The following SIDT2 variants were observed in gnomAD, a reference collection of about 807,000 sequenced individuals.
The protein encoded by SIDT2 is SID1 transmembrane family, member 2.
SIDT2 carries 68 observed loss-of-function variants against 114.4 expected under a neutral mutation model. The observed-to-expected ratio is 0.59, with a 90% CI of 0.49 to 0.73. SIDT2 has a LOEUF of 0.73. SIDT2 is among the 30% of genes least tolerant of loss of function. The pLI is 0.00. For synonymous variants in SIDT2, 470 were observed against 438.4 expected, an observed-to-expected ratio of 1.07 and a Z score of -0.90; for missense variants, 918 against 1,097.1, an observed-to-expected ratio of 0.84 and a Z score of 2.31.
intron 23 of SIDT2, 50 bp downstream of exon 23, chr11:117,193,308 G>A (rs2030770609): frequency 6.8e-7 from 1 of 1,472,840 alleles, no homozygotes; most frequent in Non-Finnish European, 9.4e-7. Flanking sequence ...GCTATCTGGG[G>A]AGAGAGATGG....
At chr11:117,191,801 G>C (rs1048423773) in intron 18 of SIDT2, 77 bp from the exon 19 acceptor site, 1 of 1,566,776 alleles carries the variant, frequency 6.4e-7, no homozygotes, top group African/African-American at 1.4e-5. Context: ...TCTTCCTCTG[G>C]GATTGTTGGG....
Position 117,190,401 on chromosome 11 carries a change from C to G in SIDT2, c.1617+112C>G, listed in dbSNP as rs2030655055. 1 of 1,468,434 alleles carries G rather than the reference C, an allele frequency of 6.8e-7. No homozygotes were observed. The highest frequency in any genetic ancestry group is 9.0e-7 in the Non-Finnish European group (1 of 1,106,706). 91.0% of individuals were successfully genotyped at this position (1,468,434 alleles called of 1,614,324 possible). A position where few individuals can be genotyped will look rare whatever the true frequency, so the allele number is the denominator to read the frequency against. On this transcript the variant is annotated intron_variant, in intron 17 of 25. Transcript: ENST00000324225. This position sits in a 1 kb window ranked among gnomAD's most constrained non-coding sequence, Gnocchi z 4.1. ...TGGCCCTGCCTTCCCCAGCTCTCCC[C>G]TCCCCAGTTCTGTCTGGCCCACCCT...
In SIDT2 at chr11:117,188,955, C is replaced by A. The variant is rs2030602110; in HGVS notation, c.1278+129C>A. 1 of 1,079,340 alleles carries A rather than the reference C, an allele frequency of 9.3e-7. No individual in the cohort carries two copies. Among genetic ancestry groups the A allele is most frequent in the Admixed American group, 1.7e-5 (1 of 57,508 alleles). The allele number at this position is 1,079,340 out of a possible 1,614,324, so 66.9% of individuals were successfully genotyped here. ...AGGAAGGGGCTCAGCTGGGGCAGGG[C>A]AGATGCCGGGGAAACTAACCTGACC... On this transcript the variant is annotated intron_variant, in intron 13 of 25. Coordinates refer to ENST00000324225, the MANE Select transcript of SIDT2 (RefSeq NM_001040455.2). This position sits in a 1 kb window ranked among gnomAD's most constrained non-coding sequence, Gnocchi z 4.0.
Position 117,197,063 on chromosome 11 carries a change from A to G in SIDT2, c.*997A>G, listed in dbSNP as rs2030918018. On this transcript the variant is annotated 3_prime_UTR_variant, in exon 26 of 26. Transcript: ENST00000324225. Reference sequence around the variant, plus strand: ...TGTTTCCCTCTACGTGCCCAGTCCTAGCCTCGCTCTAGGACCCAGGGCTGG... The same window carrying G: ...TGTTTCCCTCTACGTGCCCAGTCCTGGCCTCGCTCTAGGACCCAGGGCTGG... 6.6e-6 allele frequency: 1 copy of G among 152,454 alleles called. No individual in the cohort carries two copies. Among genetic ancestry groups the G allele is most frequent in the African/African-American group, 2.4e-5 (1 of 41,440 alleles). 9.4% of individuals were successfully genotyped at this position (152,454 alleles called of 1,614,324 possible).
Position 117,189,707 on chromosome 11 carries a change from G to A in SIDT2, c.1420-245G>A, listed in dbSNP as rs1400979203. ...GTTTCCCTTCCCTTTTCTCTGTCCCGTGGGGCAAGAACTTCCATCACGGTC... is the reference window on the plus strand; with the variant it reads ...GTTTCCCTTCCCTTTTCTCTGTCCCATGGGGCAAGAACTTCCATCACGGTC... On this transcript the variant is annotated intron_variant, in intron 15 of 25. Coordinates refer to ENST00000324225, the MANE Select transcript of SIDT2 (RefSeq NM_001040455.2). The A allele has an allele frequency of 2.5e-5, 15 of 599,914 alleles. No homozygotes were observed. In the East Asian group the frequency reaches 3.3e-4, roughly 13 times the overall value. The allele number at this position is 599,914 out of a possible 1,614,324, so 37.2% of individuals were successfully genotyped here. A position where few individuals can be genotyped will look rare whatever the true frequency, so the allele number is the denominator to read the frequency against.
chr11:117,188,631 C>G lies in SIDT2; in HGVS notation c.1160-77C>G. ...CTTCCCTACTGCCTAATAATTGTTACAATTGCCTCAGATGGGCGAGGGCCA... is the reference window on the plus strand; with the variant it reads ...CTTCCCTACTGCCTAATAATTGTTAGAATTGCCTCAGATGGGCGAGGGCCA... On this transcript the variant is annotated intron_variant, in intron 12 of 25. Coordinates refer to ENST00000324225, the MANE Select transcript of SIDT2 (RefSeq NM_001040455.2). The surrounding 1 kb of genome is among the most constrained non-coding windows in gnomAD (Gnocchi z 4.0). 1 of 1,134,088 alleles carries G rather than the reference C, an allele frequency of 8.8e-7. No homozygotes were observed. Among genetic ancestry groups the G allele is most frequent in the East Asian group, 2.4e-5 (1 of 42,094 alleles). The allele number at this position is 1,134,088 out of a possible 1,614,324, so 70.3% of individuals were successfully genotyped here.
At position 117,188,762 on chromosome 11, in the gene SIDT2, TGGA is replaced by T. The variant is rs2030592460; in HGVS notation, c.1221_1223del (p.Glu407del). The T allele has an allele frequency of 1.9e-6, 3 of 1,614,006 alleles. No homozygotes were observed. In the East Asian group the frequency reaches 6.7e-5, roughly 36 times the overall value. ...CCCCGAGTGGACTCCATGAGCTCTG[TGGA>T]GGAGGATGACTACGACACATTGACC... On this transcript the variant is annotated inframe_deletion, in exon 13 of 26. Coordinates refer to ENST00000324225, the MANE Select transcript of SIDT2 (RefSeq NM_001040455.2). The surrounding 1 kb of genome is among the most constrained non-coding windows in gnomAD (Gnocchi z 4.0).
Position 117,192,471 on chromosome 11 carries a change from G to A in SIDT2, c.1982-103G>A. The A allele has an allele frequency of 2.0e-6, 3 of 1,474,628 alleles. No individual in the cohort carries two copies. Among genetic ancestry groups the A allele is most frequent in the African/African-American group, 1.4e-5 (1 of 72,332 alleles). 91.3% of individuals were successfully genotyped at this position (1,474,628 alleles called of 1,614,324 possible). On this transcript the variant is annotated intron_variant, in intron 20 of 25. Coordinates refer to ENST00000324225, the MANE Select transcript of SIDT2 (RefSeq NM_001040455.2). This position sits in a 1 kb window ranked among gnomAD's most constrained non-coding sequence, Gnocchi z 5.9. ...GTCTTGGGGGCCCTGGAGTCACTGG[G>A]TGAGGAATTAGATCAGGCCTGGGCT... is the stretch of plus-strand genomic sequence containing the variant.
chr11:117,193,968 G>C lies in SIDT2; in HGVS notation c.2322+5G>C. 1 of 1,610,952 alleles carries C rather than the reference G, an allele frequency of 6.2e-7. No individual in the cohort carries two copies. Among genetic ancestry groups the C allele is most frequent in the Admixed American group, 1.7e-5 (1 of 60,004 alleles). On this transcript the variant is annotated splice_donor_5th_base_variant and intron_variant, in intron 24 of 25. Coordinates refer to ENST00000324225, the MANE Select transcript of SIDT2 (RefSeq NM_001040455.2). Reference sequence around the variant, plus strand: ...CAGGGACTCAGCACCTGGCAGGTGAGCACTCACCCTCAGGCTCCTTGTGAG... The same window carrying C: ...CAGGGACTCAGCACCTGGCAGGTGACCACTCACCCTCAGGCTCCTTGTGAG...
At position 117,188,836 on chromosome 11, in the gene SIDT2, G is replaced by C. The variant is rs474339; in HGVS notation, c.1278+10G>C. On this transcript the variant is annotated intron_variant, in intron 13 of 25. Transcript: ENST00000324225. The surrounding 1 kb of genome is among the most constrained non-coding windows in gnomAD (Gnocchi z 4.0). ...TGTCATTCGCACCAAGGTCTGACCC[G>C]TGGGCCTGGCCTGGTCAGGCGTTTC... is the stretch of plus-strand genomic sequence containing the variant. The C allele has an allele frequency of 6.2e-7, 1 of 1,612,824 alleles. No individual in the cohort carries two copies. Among genetic ancestry groups the C allele is most frequent in the South Asian group, 1.1e-5 (1 of 91,054 alleles).
chr11:117,186,527 T>C, intron 9 of SIDT2, 57 bp from the exon 10 acceptor site: 3 of 1,485,186 alleles, frequency 2.0e-6, no homozygotes, highest in Non-Finnish European at 2.7e-6. Context: ...GTCAGCCCCA[T>C]ACAGAGTGAT....
Position 117,187,629 on chromosome 11 carries a change from GA to G in SIDT2, c.1091del (p.Asn364MetfsTer30), listed in dbSNP as rs1329044338. ...YEGYNYGSFE[N>X]VSGSTDGLVD... ...CTCACCACTGATCGTTCCCCACAGA[GA>G]ATGTTTCTGGATCTACCGATGGTCT... On this transcript the variant is annotated frameshift_variant and splice_region_variant, in exon 12 of 26. Transcript: ENST00000324225. LOFTEE classifies it high-confidence loss of function. The G allele has an allele frequency of 6.2e-7, 1 of 1,614,038 alleles. No homozygotes were observed. Among genetic ancestry groups the G allele is most frequent in the Non-Finnish European group, 8.5e-7 (1 of 1,180,028 alleles).
intron 6 of SIDT2, 103 bp downstream of exon 6, chr11:117,182,909 C>G (rs1037595528): frequency 7.8e-7 from 1 of 1,278,242 alleles, no homozygotes; most frequent in Non-Finnish European, 1.1e-6. Context: ...ATCCTACACA[C>G]GACTGAGTCT....
In SIDT2 at chr11:117,192,569, C is replaced by G. The variant is rs757316995; in HGVS notation, c.1982-5C>G. On this transcript the variant is annotated splice_region_variant and splice_polypyrimidine_tract_variant and intron_variant, in intron 20 of 25. Coordinates refer to ENST00000324225, the MANE Select transcript of SIDT2 (RefSeq NM_001040455.2). This position sits in a 1 kb window ranked among gnomAD's most constrained non-coding sequence, Gnocchi z 5.9. Reference sequence around the variant, plus strand: ...CCTGTCAGCACCACTCCCTTCTCTTCGCAGACTCGGGGATCTTCCGCCGCA... The same window carrying G: ...CCTGTCAGCACCACTCCCTTCTCTTGGCAGACTCGGGGATCTTCCGCCGCA... 1.2e-6 allele frequency: 2 copies of G among 1,608,190 alleles called. No homozygotes were observed. Among genetic ancestry groups the G allele is most frequent in the Admixed American group, 1.7e-5 (1 of 60,032 alleles).
Position 117,190,365 on chromosome 11 carries a change from T to C in SIDT2, c.1617+76T>C, listed in dbSNP as rs998297707. On this transcript the variant is annotated intron_variant, in intron 17 of 25. Transcript: ENST00000324225. The surrounding 1 kb of genome is among the most constrained non-coding windows in gnomAD (Gnocchi z 4.1). ...CAAGCCTTGGCTCCAGGACACCCTT[T>C]TGGGCAGGCCTGGCCCTGCCTTCCC... The C allele has an allele frequency of 2.5e-4, 373 of 1,514,774 alleles. 1 individual carries two copies. The highest frequency in any genetic ancestry group is 3.0e-4 in the Non-Finnish European group (336 of 1,133,604). The allele number at this position is 1,514,774 out of a possible 1,614,324, so 93.8% of individuals were successfully genotyped here.
In SIDT2 at chr11:117,197,230, C is replaced by T. The variant is rs2030923182; in HGVS notation, c.*1164C>T. The T allele has an allele frequency of 6.6e-6, 1 of 152,582 alleles. No homozygotes were observed. 9.5% of individuals were successfully genotyped at this position (152,582 alleles called of 1,614,324 possible). Reference sequence around the variant, plus strand: ...GGTCCTTGGATCCCCTTCGTCCCACCTGGTCCACCCCAGATGCTGAGGATG... The same window carrying T: ...GGTCCTTGGATCCCCTTCGTCCCACTTGGTCCACCCCAGATGCTGAGGATG... On this transcript the variant is annotated 3_prime_UTR_variant, in exon 26 of 26. Coordinates refer to ENST00000324225, the MANE Select transcript of SIDT2 (RefSeq NM_001040455.2).
Position 117,196,048 on chromosome 11 carries a change from C to A in SIDT2, c.2481C>A (p.Asp827Glu). 6.2e-7 allele frequency: 1 copy of A among 1,614,252 alleles called. No homozygotes were observed. The highest frequency in any genetic ancestry group is 8.5e-7 in the Non-Finnish European group (1 of 1,180,042). ...LDDDLDTVQRDKIYVF is the reference protein window; with the variant it reads ...LDDDLDTVQREKIYVF ...ACGACCTGGATACTGTGCAGCGGGA[C>A]AAGATCTATGTCTTCTAGCAGGAGC... Residue 827 changes from aspartate to glutamate, a missense_variant, in exon 26 of 26, where the codon GAC becomes GAA. This residue lies in a region of SIDT2 where 275 missense variants were observed against 397.6 expected (regional missense o/e 0.69). Transcript: ENST00000324225. This position sits in a 1 kb window ranked among gnomAD's most constrained non-coding sequence, Gnocchi z 4.9.
rs745748396 is a variant in SIDT2, at chr11:117,190,619, A to G, written c.1618-4A>G. 4.5e-6 allele frequency: 7 copies of G among 1,569,250 alleles called. No individual in the cohort carries two copies. The highest frequency in any genetic ancestry group is 4.1e-5 in the African/African-American group (3 of 74,046). On this transcript the variant is annotated splice_polypyrimidine_tract_variant and splice_region_variant and intron_variant, in intron 17 of 25. Transcript: ENST00000324225. The surrounding 1 kb of genome is among the most constrained non-coding windows in gnomAD (Gnocchi z 4.1). Reference sequence around the variant, plus strand: ...CTCCCTTCCCTTCTCTCTCTCCCCAACAGGAATGTGGGATCCCCAAACACT... The same window carrying G: ...CTCCCTTCCCTTCTCTCTCTCCCCAGCAGGAATGTGGGATCCCCAAACACT...
Position 117,195,844 on chromosome 11 carries a change from C to A in SIDT2, c.2365C>A (p.Leu789Ile). ...ESREHNRDCILLDFFDDHDIW... is the reference protein window; with the variant it reads ...ESREHNRDCIILDFFDDHDIW... Reference sequence around the variant, plus strand: ...GAGGGAGCACAACCGGGACTGCATCCTCCTCGACTTCTTTGACGACCACGA... The same window carrying A: ...GAGGGAGCACAACCGGGACTGCATCATCCTCGACTTCTTTGACGACCACGA... Residue 789 changes from leucine to isoleucine, a missense_variant, in exon 25 of 26, where the codon CTC becomes ATC. Transcript: ENST00000324225. 6.2e-7 allele frequency: 1 copy of A among 1,614,254 alleles called. No individual in the cohort carries two copies. Among genetic ancestry groups the A allele is most frequent in the Non-Finnish European group, 8.5e-7 (1 of 1,180,048 alleles).
Sources: gnomAD v4.1 joint callset for allele counts on GRCh38, gnomAD v4.1.1 for gene constraint, gnomAD v4.1.1 regional missense constraint, Gnocchi (gnomAD v3.1) non-coding constraint, MANE v1.5 for transcripts, NCBI Gene and HGNC (gene_info 2026-07-23, HGNC 2026-07-21) for gene names.